Variants in SGCZ observed in about 807,000 individuals in gnomAD.
The protein encoded by SGCZ is sarcoglycan zeta.
Under a neutral mutation model 41.3 loss-of-function variants are expected in SGCZ, and 40 were observed. The ratio of observed to expected loss-of-function variants is 0.97; its 90% CI spans 0.75 to 1.26. The LOEUF (loss-of-function observed/expected upper bound fraction) is 1.26, where lower values mean the gene tolerates loss of function less well. SGCZ is among the 50% of genes most tolerant of loss of function. SGCZ has a pLI of 0.00. For missense variants in SGCZ, 552 were observed against 369.8 expected (o/e 1.49, Z -4.04); for synonymous variants, 206 against 137.5 (o/e 1.50, Z -3.49).
At chr8:14,223,089 A>T in intron 4 of SGCZ, among the ~76,000 whole-genome samples, 1 of 151,922 alleles carries the variant, frequency 6.6e-6, no homozygotes, top group Non-Finnish European at 1.5e-5. Context: ...GGATTACATG[A>T]TTGAGCCATT....
chr8:14,918,844 G>C (rs1225602547), intron 1 of SGCZ, among the ~76,000 whole-genome samples: 1 of 152,192 alleles, frequency 6.6e-6, no homozygotes, highest in Non-Finnish European at 1.5e-5. Context: ...TTGGTGCCAA[G>C]AGGCAGCTAA....
At chr8:14,893,745 G>C (rs1179853199) in intron 1 of SGCZ, among the ~76,000 whole-genome samples, 1 of 152,100 alleles carries the variant, frequency 6.6e-6, no homozygotes, top group Non-Finnish European at 1.5e-5. Context: ...GCCTACCAAA[G>C]TCACAGAGAC....
chr8:14,692,110 T>C (rs1022646220), intron 1 of SGCZ, among the ~76,000 whole-genome samples: 1 of 152,012 alleles, frequency 6.6e-6, no homozygotes, highest in South Asian at 2.1e-4. Context: ...TGAAAAACTA[T>C]AATTAAGAAA....
chr8:14,907,706 G>A (rs971958691), intron 1 of SGCZ, among the ~76,000 whole-genome samples: 8 of 152,102 alleles, frequency 5.3e-5, no homozygotes, highest in African/African-American at 1.9e-4. Context: ...AAAATTGAGT[G>A]CGTCCATTAG....
intron 1 of SGCZ, among the ~76,000 whole-genome samples, chr8:14,925,690 G>C (rs1459700722): frequency 6.6e-6 from 1 of 152,182 alleles, no homozygotes; most frequent in Non-Finnish European, 1.5e-5. Flanking sequence ...CAAGGTTTGA[G>C]TCCCTCAGAC....
chr8:15,225,247 C>T (rs1181533529), intron 1 of SGCZ, among the ~76,000 whole-genome samples: 2 of 151,958 alleles, frequency 1.3e-5, no homozygotes. Flanking sequence ...TTTTTTCCTA[C>T]CACAATGCAA....
chr8:15,231,939 A>G (rs1462090843), intron 1 of SGCZ, among the ~76,000 whole-genome samples: 2 of 152,160 alleles, frequency 1.3e-5, no homozygotes, highest in Non-Finnish European at 2.9e-5. Flanking sequence ...ACGTTTATAG[A>G]AAATGTGGTA....
At chr8:14,605,818 T>C (rs1805730807) in intron 1 of SGCZ, among the ~76,000 whole-genome samples, 1 of 152,180 alleles carries the variant, frequency 6.6e-6, no homozygotes, top group Non-Finnish European at 1.5e-5. Flanking sequence ...ACTGGAATCT[T>C]ATGTAGCAAA....
At chr8:15,104,922 T>C (rs75079528) in intron 1 of SGCZ, among the ~76,000 whole-genome samples, 3,650 of 152,310 alleles carry the variant, frequency 0.024, 92 homozygotes, top group East Asian at 0.11. Flanking sequence ...TGAACAATTT[T>C]TGTTGTTGTT....
intron 2 of SGCZ, among the ~76,000 whole-genome samples, chr8:14,393,698 C>T (rs975881644): frequency 1.4e-4 from 21 of 152,254 alleles, no homozygotes; most frequent in African/African-American, 4.1e-4. Flanking sequence ...TCAATTCCTC[C>T]TGTGCCCATG....
In SGCZ at chr8:14,899,687, T is replaced by C. The variant is rs17463646; in HGVS notation, c.39+337898A>G. ...TTTAAGTAATACAATCAGGTTCTTT[T>C]GACCTCGGGAGGTTAAATGGGAGAG... On this transcript the variant is annotated intron_variant, in intron 1 of 7. Coordinates refer to ENST00000382080, the MANE Select transcript of SGCZ (RefSeq NM_139167.4). Among the ~76,000 whole-genome samples, 8 of 152,098 alleles carry C rather than the reference T, an allele frequency of 5.3e-5. No homozygotes were observed. In the South Asian group the frequency reaches 1.7e-3, roughly 32 times the overall value.
At chr8:14,701,614 A>G (rs1488656311) in intron 1 of SGCZ, among the ~76,000 whole-genome samples, 2 of 151,982 alleles carry the variant, frequency 1.3e-5, no homozygotes, top group African/African-American at 2.4e-5. Context: ...CTATCCTGCT[A>G]CTAATCCAAA....
intron 1 of SGCZ, among the ~76,000 whole-genome samples, chr8:14,641,817 A>G (rs1451437499): frequency 6.6e-6 from 1 of 151,610 alleles, no homozygotes; most frequent in Non-Finnish European, 1.5e-5. Context: ...AATCCTTGCA[A>G]TTATGGGAAT....
At chr8:15,035,663 T>C (rs1803849409) in intron 1 of SGCZ, among the ~76,000 whole-genome samples, 1 of 152,034 alleles carries the variant, frequency 6.6e-6, no homozygotes, top group African/African-American at 2.4e-5. Flanking sequence ...TCCATGCATA[T>C]GGACACAAAA....
chr8:14,760,580 A>T (rs1057417066), intron 1 of SGCZ, among the ~76,000 whole-genome samples: 3 of 152,228 alleles, frequency 2.0e-5, no homozygotes, highest in East Asian at 3.8e-4. Flanking sequence ...TAACTTTTGC[A>T]GTGTACAACT....
intron 1 of SGCZ, among the ~76,000 whole-genome samples, chr8:15,192,422 T>A (rs550953154): frequency 6.6e-6 from 1 of 152,234 alleles, no homozygotes; most frequent in East Asian, 1.9e-4. Context: ...TTTTAGTACA[T>A]CAAAGATGCT....
At chr8:14,647,250 T>C (rs192843580) in intron 1 of SGCZ, among the ~76,000 whole-genome samples, 60 of 152,158 alleles carry the variant, frequency 3.9e-4, no homozygotes, top group African/African-American at 1.3e-3. Context: ...CTTCAGCATT[T>C]ACCTTCTGTT....
chr8:14,951,672 A>G (rs1800646210), intron 1 of SGCZ, among the ~76,000 whole-genome samples: 1 of 152,090 alleles, frequency 6.6e-6, no homozygotes, highest in Admixed American at 6.5e-5. Flanking sequence ...TACAATGATC[A>G]AATGATTAAA....
chr8:14,667,288 G>A (rs1807940488), intron 1 of SGCZ, among the ~76,000 whole-genome samples: 3 of 152,106 alleles, frequency 2.0e-5, no homozygotes, highest in African/African-American at 4.8e-5. Flanking sequence ...ACTAACTTAG[G>A]AAAGTTATTT....
Sources: allele counts gnomAD v4.1 joint callset (sites outside exome capture counted in the v4.1 genomes callset), GRCh38; gene constraint gnomAD v4.1.1; transcripts MANE v1.5; gene names NCBI Gene and HGNC (gene_info 2026-07-23, HGNC 2026-07-21).